PRSS16: variants seen among roughly 807,000 people sequenced by gnomAD.
PRSS16 encodes serine protease 16.
Under a neutral mutation model 61.7 loss-of-function variants are expected in PRSS16, and 43 were observed. The observed-to-expected ratio is 0.70, with a 90% CI of 0.55 to 0.90. The LOEUF (loss-of-function observed/expected upper bound fraction) is 0.90. Among genes scored for constraint, PRSS16 ranks in the 40% least tolerant of loss-of-function variants. The pLI, the probability that PRSS16 is intolerant of heterozygous loss-of-function variation, is 0.00. For synonymous variants in PRSS16, 273 were observed against 285.2 expected, an observed-to-expected ratio of 0.96 and a Z score of 0.43; for missense variants, 591 against 659.1, an observed-to-expected ratio of 0.90 and a Z score of 1.13.
intron 5 of PRSS16, 63 bp from the exon 6 acceptor site, chr6:27,250,979 G>T: frequency 6.3e-7 from 1 of 1,596,982 alleles, no homozygotes. Flanking sequence ...AAGTGACACA[G>T]AGGCAGAAAG....
In PRSS16 at chr6:27,254,743, C is replaced by T. The variant is rs372392587; in HGVS notation, c.1201C>T (p.Pro401Ser). 25 of 1,613,880 alleles carry T rather than the reference C, an allele frequency of 1.5e-5. No individual in the cohort carries two copies. Among genetic ancestry groups the T allele is most frequent in the Non-Finnish European group, 2.0e-5 (24 of 1,179,870 alleles). Residue 401 changes from proline to serine, a missense_variant, in exon 10 of 12, where the codon CCC (proline) becomes TCC (serine). Coordinates refer to ENST00000230582, the MANE Select transcript of PRSS16 (RefSeq NM_005865.4). ...RCPFSQLPALPSQLDLCEQVF... is the reference protein window; with the variant it reads ...RCPFSQLPALSSQLDLCEQVF... ...TCCTTTCTCCCAGCTCCCAGCACTG[C>T]CCTCCCAGCTAGACCTATGTGAGCA...
Position 27,251,925 on chromosome 6 carries a change from A to T in PRSS16, c.893A>T (p.Tyr298Phe). The T allele has an allele frequency of 6.2e-7, 1 of 1,612,448 alleles. No homozygotes were observed. Among genetic ancestry groups the T allele is most frequent in the Non-Finnish European group, 8.5e-7 (1 of 1,179,572 alleles). Residue 298 changes from tyrosine (Y) to phenylalanine (F), a missense_variant, in exon 8 of 12, where the codon TAT becomes TTT. Physicochemically the swap from Tyr to Phe is conservative, Grantham distance 22. Coordinates refer to ENST00000230582, the MANE Select transcript of PRSS16 (RefSeq NM_005865.4). The surrounding 1 kb of genome is among the most constrained non-coding windows in gnomAD (Gnocchi z 5.6). ...GCACTGGTGGGAGGTGTAGTGCAGTATGATGGGCAGACGGGAGCGCCGCTA... is the reference window on the plus strand; with the variant it reads ...GCACTGGTGGGAGGTGTAGTGCAGTTTGATGGGCAGACGGGAGCGCCGCTA... ...LQALVGGVVQ[Y>F]DGQTGAPLSV...
At position 27,255,112 on chromosome 6, in the gene PRSS16, G is replaced by A; in HGVS notation, c.1457G>A (p.Ser486Asn). 6.2e-7 allele frequency: 1 copy of A among 1,614,168 alleles called. No individual in the cohort carries two copies. Among genetic ancestry groups the A allele is most frequent in the Non-Finnish European group, 8.5e-7 (1 of 1,180,028 alleles). The change falls in exon 11 of 12, where the codon AGC (serine) becomes AAC (asparagine). Residue 486 changes from serine (S) to asparagine (N), a missense_variant. Transcript: ENST00000230582. The surrounding 1 kb of genome is among the most constrained non-coding windows in gnomAD (Gnocchi z 4.4). ...MAPERPSDSP[S>N]LRLGRQNIFQ... ...CCTGAGAGGCCCTCAGACTCCCCCAGCCTCCGCCTAGGGCGCCAGGTAAGA... is the reference window on the plus strand; with the variant it reads ...CCTGAGAGGCCCTCAGACTCCCCCAACCTCCGCCTAGGGCGCCAGGTAAGA...
At position 27,247,707 on chromosome 6, in the gene PRSS16, C is replaced by T; in HGVS notation, c.-31C>T. The T allele has an allele frequency of 6.4e-7, 1 of 1,551,026 alleles. No homozygotes were observed. The highest frequency in any genetic ancestry group is 2.4e-5 in the East Asian group (1 of 41,020). ...CGGCTGCTGAGGATAAGATAAAGGT[C>T]CTCCTGGGGGAGAACAGAGTCCCGA... On this transcript the variant is annotated 5_prime_UTR_variant, in exon 1 of 12. Coordinates refer to ENST00000230582, the MANE Select transcript of PRSS16 (RefSeq NM_005865.4).
chr6:27,251,698 A>G lies in PRSS16; in HGVS notation c.718-52A>G. 6.5e-7 allele frequency: 1 copy of G among 1,547,398 alleles called. No homozygotes were observed. Among genetic ancestry groups the G allele is most frequent in the Non-Finnish European group, 8.6e-7 (1 of 1,159,214 alleles). ...GGAGGACGCAGGTCCTGGGTAGGGAAAGCCGAGGCCCAGCCTAAGTCTTGG... is the reference window on the plus strand; with the variant it reads ...GGAGGACGCAGGTCCTGGGTAGGGAGAGCCGAGGCCCAGCCTAAGTCTTGG... On this transcript the variant is annotated intron_variant, in intron 7 of 11. Transcript: ENST00000230582. The surrounding 1 kb of genome is among the most constrained non-coding windows in gnomAD (Gnocchi z 5.6).
chr6:27,250,618 A>G, intron 4 of PRSS16, 65 bp from the exon 5 acceptor site: 9 of 1,512,170 alleles, frequency 6.0e-6, no homozygotes, highest in Admixed American at 2.3e-5. Flanking sequence ...GGTTTCCCCC[A>G]GAATGGGGAA....
In PRSS16 at chr6:27,252,968, C is replaced by T; in HGVS notation, c.1150+19C>T. The T allele has an allele frequency of 1.9e-6, 3 of 1,614,104 alleles. No individual in the cohort carries two copies. Among genetic ancestry groups the T allele is most frequent in the Non-Finnish European group, 2.5e-6 (3 of 1,179,994 alleles). On this transcript the variant is annotated intron_variant, in intron 9 of 11. Coordinates refer to ENST00000230582, the MANE Select transcript of PRSS16 (RefSeq NM_005865.4). This position sits in a 1 kb window ranked among gnomAD's most constrained non-coding sequence, Gnocchi z 4.2. ...GGCTTCTGTAAGTGACTGGCCTAAC[C>T]CTAACTTTGTCCCCTCAAACAACCT...
In PRSS16 at chr6:27,255,333, C is replaced by CTCCCTGCA; in HGVS notation, c.*20_*27dup. ...AAGTCTGAATCTCATACCCTTTCCA[C>CTCCCTGCA]TCCCTGCATGGTCACCTCAGTCCTG... On this transcript the variant is annotated 3_prime_UTR_variant, in exon 12 of 12. Coordinates refer to ENST00000230582, the MANE Select transcript of PRSS16 (RefSeq NM_005865.4). This position sits in a 1 kb window ranked among gnomAD's most constrained non-coding sequence, Gnocchi z 4.4. 6.3e-7 allele frequency: 1 copy of CTCCCTGCA among 1,591,076 alleles called. No homozygotes were observed.
rs1294098813 is a variant in PRSS16 at position 27,252,007 on chromosome 6, C to T, written c.975C>T (p.Ser325=). The part of the protein sequence containing the change: ...LLGGGGNRSH[S]TPYCGLRRAV... ...GGGGCGGGGGCAACCGCAGCCACTC[C>T]ACGCCCTACTGCGGGCTTCGTCGGG... The change falls in exon 8 of 12, where the codon TCC becomes TCT. Residue 325 remains serine, a synonymous_variant. Coordinates refer to ENST00000230582, the MANE Select transcript of PRSS16 (RefSeq NM_005865.4). This position sits in a 1 kb window ranked among gnomAD's most constrained non-coding sequence, Gnocchi z 4.2. The T allele has an allele frequency of 1.3e-6, 2 of 1,571,206 alleles. No homozygotes were observed. The highest frequency in any genetic ancestry group is 2.3e-5 in the East Asian group (1 of 42,734).
Position 27,251,397 on chromosome 6 carries a change from C to A in PRSS16, c.717+133C>A. ...AGGAAGGTCGGAGCTCGGGGGAATA[C>A]GCAGGTTTTGGAAGAAGGCGGGAGC... On this transcript the variant is annotated intron_variant, in intron 7 of 11. Transcript: ENST00000230582. This position sits in a 1 kb window ranked among gnomAD's most constrained non-coding sequence, Gnocchi z 5.6. The A allele has an allele frequency of 8.4e-7, 1 of 1,188,682 alleles. No homozygotes were observed. The highest frequency in any genetic ancestry group is 1.1e-6 in the Non-Finnish European group (1 of 871,874). 73.6% of individuals were successfully genotyped at this position (1,188,682 alleles called of 1,614,324 possible). A position where few individuals can be genotyped will look rare whatever the true frequency, so the allele number is the denominator to read the frequency against.
At chr6:27,249,725 C>A (rs1759831845) in intron 4 of PRSS16, among the ~76,000 whole-genome samples, 1 of 152,170 alleles carries the variant, frequency 6.6e-6, no homozygotes, top group African/African-American at 2.4e-5. Flanking sequence ...GCCATGGAGT[C>A]CAGTGGGTTT....
intron 9 of PRSS16, chr6:27,253,507 C>T (rs1759964086): frequency 2.2e-6 from 1 of 453,934 alleles, no homozygotes; most frequent in Non-Finnish European, 4.4e-6. Context: ...ATAACCTTGT[C>T]CCTCCTGTAC....
Position 27,252,128 on chromosome 6 carries a change from C to G in PRSS16, c.1008+88C>G. 1.4e-6 allele frequency: 2 copies of G among 1,379,500 alleles called. No individual in the cohort carries two copies. Among genetic ancestry groups the G allele is most frequent in the Admixed American group, 6.3e-5 (2 of 31,526 alleles). 85.5% of individuals were successfully genotyped at this position (1,379,500 alleles called of 1,614,324 possible). A position where few individuals can be genotyped will look rare whatever the true frequency, so the allele number is the denominator to read the frequency against. Reference sequence around the variant, plus strand: ...TGTGTGATCTTGGGCAAGCGAGAACCTTCTCTGAAACTTCGTTTTCTCATC... The same window carrying G: ...TGTGTGATCTTGGGCAAGCGAGAACGTTCTCTGAAACTTCGTTTTCTCATC... On this transcript the variant is annotated intron_variant, in intron 8 of 11. Transcript: ENST00000230582. The surrounding 1 kb of genome is among the most constrained non-coding windows in gnomAD (Gnocchi z 4.2).
chr6:27,249,045 C>A, intron 3 of PRSS16, 55 bp from the exon 4 acceptor site: 2 of 1,483,310 alleles, frequency 1.3e-6, no homozygotes, highest in Non-Finnish European at 1.9e-6. Context: ...AGTGAAAGGG[C>A]TTAAACTCAA....
At position 27,251,276 on chromosome 6, in the gene PRSS16, G is replaced by A. The variant is rs760077434; in HGVS notation, c.717+12G>A. 18 of 1,597,898 alleles carry A rather than the reference G, an allele frequency of 1.1e-5. No homozygotes were observed. In the East Asian group the frequency reaches 3.8e-4, roughly 34 times the overall value. ...GCGGGTCCCTGGAGGTAGGAGGTGGGGCCTAGTCCGAGGGGGACTGGGAGG... is the reference window on the plus strand; with the variant it reads ...GCGGGTCCCTGGAGGTAGGAGGTGGAGCCTAGTCCGAGGGGGACTGGGAGG... On this transcript the variant is annotated intron_variant, in intron 7 of 11. Coordinates refer to ENST00000230582, the MANE Select transcript of PRSS16 (RefSeq NM_005865.4). The surrounding 1 kb of genome is among the most constrained non-coding windows in gnomAD (Gnocchi z 5.6).
In PRSS16 at chr6:27,247,819, CT is replaced by C; in HGVS notation, c.70+13del. On this transcript the variant is annotated intron_variant, in intron 1 of 11. Coordinates refer to ENST00000230582, the MANE Select transcript of PRSS16 (RefSeq NM_005865.4). ...ACTCTTGGCTCCAGGTAAGAGGAGG[CT>C]GAGGGTCAAGCAGGGCATCCTAAGG... is the stretch of plus-strand genomic sequence containing the variant. 6.2e-7 allele frequency: 1 copy of C among 1,613,670 alleles called. No individual in the cohort carries two copies. Among genetic ancestry groups the C allele is most frequent in the Non-Finnish European group, 8.5e-7 (1 of 1,179,824 alleles).
In PRSS16 at chr6:27,251,574, G is replaced by T; in HGVS notation, c.718-176G>T. The T allele has an allele frequency of 1.2e-6, 1 of 854,812 alleles. No individual in the cohort carries two copies. The highest frequency in any genetic ancestry group is 1.7e-6 in the Non-Finnish European group (1 of 579,812). 53.0% of individuals were successfully genotyped at this position (854,812 alleles called of 1,614,324 possible). A position where few individuals can be genotyped will look rare whatever the true frequency, so the allele number is the denominator to read the frequency against. On this transcript the variant is annotated intron_variant, in intron 7 of 11. Coordinates refer to ENST00000230582, the MANE Select transcript of PRSS16 (RefSeq NM_005865.4). The surrounding 1 kb of genome is among the most constrained non-coding windows in gnomAD (Gnocchi z 5.6). ...GGGAAGACCCGAGAAGGAGGGCTGCGAGGCAGGGGATTGGGGGCGGGGGCC... is the reference window on the plus strand; with the variant it reads ...GGGAAGACCCGAGAAGGAGGGCTGCTAGGCAGGGGATTGGGGGCGGGGGCC...
chr6:27,255,022 A>C lies in PRSS16; in HGVS notation c.1367A>C (p.Gln456Pro), dbSNP rs1165088235. The C allele has an allele frequency of 6.2e-7, 1 of 1,613,676 alleles. No individual in the cohort carries two copies. Among genetic ancestry groups the C allele is most frequent in the Non-Finnish European group, 8.5e-7 (1 of 1,179,620 alleles). Reference sequence around the variant, plus strand: ...CCCTGGCATGTGCTAAGTGTAACACAGGCTTTAGGATCCTCAGAATCAACT... The same window carrying C: ...CCCTGGCATGTGCTAAGTGTAACACCGGCTTTAGGATCCTCAGAATCAACT... ...TDPWHVLSVTQALGSSESTLL... is the reference protein window; with the variant it reads ...TDPWHVLSVTPALGSSESTLL... Residue 456 changes from glutamine to proline, a missense_variant, in exon 11 of 12, where the codon CAG becomes CCG. Coordinates refer to ENST00000230582, the MANE Select transcript of PRSS16 (RefSeq NM_005865.4). This position sits in a 1 kb window ranked among gnomAD's most constrained non-coding sequence, Gnocchi z 4.4.
chr6:27,252,041 G>C lies in PRSS16; in HGVS notation c.1008+1G>C, dbSNP rs1385344011. The C allele has an allele frequency of 6.6e-7, 1 of 1,518,134 alleles. No individual in the cohort carries two copies. Among genetic ancestry groups the C allele is most frequent in the East Asian group, 2.5e-5 (1 of 40,752 alleles). 94.0% of individuals were successfully genotyped at this position (1,518,134 alleles called of 1,614,324 possible). A position where few individuals can be genotyped will look rare whatever the true frequency, so the allele number is the denominator to read the frequency against. On this transcript the variant is annotated splice_donor_variant, in intron 8 of 11. Transcript: ENST00000230582. LOFTEE classifies it high-confidence loss of function. This position sits in a 1 kb window ranked among gnomAD's most constrained non-coding sequence, Gnocchi z 4.2. ...CTGCGGGCTTCGTCGGGCGGTGCAG[G>C]TGAGCACTCCCTGGCACAGCTGGGA...
Sources: gnomAD v4.1 joint callset for allele counts (sites outside exome capture counted in the v4.1 genomes callset) on GRCh38, gnomAD v4.1.1 for gene constraint, Gnocchi (gnomAD v3.1) non-coding constraint, MANE v1.5 for transcripts, NCBI Gene and HGNC (gene_info 2026-07-23, HGNC 2026-07-21) for gene names.